The following CFAP299 variants were observed in gnomAD, a reference collection of about 807,000 sequenced individuals.
The protein encoded by CFAP299 is cilia and flagella associated protein 299, also known as cilia- and flagella-associated protein 299.
Under a neutral mutation model 27.0 loss-of-function variants are expected in CFAP299, and 21 were observed. That is an observed-to-expected ratio of 0.78 (90% confidence interval 0.55 to 1.12). The LOEUF is 1.12. CFAP299 is among the 50% of genes most tolerant of loss of function. The probability of loss-of-function intolerance (pLI) is 0.00; values close to 1 mark genes in which losing one functional copy is unlikely to be tolerated. For synonymous variants in CFAP299, 104 were observed against 98.1 expected, an observed-to-expected ratio of 1.06 and a Z score of -0.36; for missense variants, 310 against 276.6, an observed-to-expected ratio of 1.12 and a Z score of -0.86.
At chr4:80,714,695 A>T (rs1259169118) in intron 3 of CFAP299, among the ~76,000 whole-genome samples, 1 of 151,972 alleles carries the variant, frequency 6.6e-6, no homozygotes, top group Non-Finnish European at 1.5e-5. Context: ...TTTTCATCAT[A>T]CCCATACCTT....
intron 5 of CFAP299, among the ~76,000 whole-genome samples, chr4:80,954,974 T>C (rs960730807): frequency 9.9e-5 from 11 of 110,806 alleles, no homozygotes; most frequent in African/African-American, 3.5e-4. Flanking sequence ...CACTCCAGCC[T>C]GGGTGACAGA....
intron 4 of CFAP299, among the ~76,000 whole-genome samples, chr4:80,887,026 ACAGT>A (rs756715667): frequency 5.9e-5 from 9 of 152,050 alleles, no homozygotes; most frequent in African/African-American, 1.2e-4. Context: ...TCGAAAATAC[ACAGT>A]CAGAGGAGAC....
At chr4:80,681,950 T>C (rs1018422674) in intron 3 of CFAP299, among the ~76,000 whole-genome samples, 20 of 152,088 alleles carry the variant, frequency 1.3e-4, no homozygotes, top group Non-Finnish European at 2.6e-4. Flanking sequence ...GGAGCAAGCC[T>C]TGGAAATTTA....
chr4:80,841,985 G>A (rs962763122), intron 3 of CFAP299, among the ~76,000 whole-genome samples: 1 of 152,124 alleles, frequency 6.6e-6, no homozygotes, highest in Non-Finnish European at 1.5e-5. Context: ...TTCTCAGTGT[G>A]TGAGCAAGGA....
At chr4:80,914,819 C>T (rs1177596000) in intron 4 of CFAP299, among the ~76,000 whole-genome samples, 2 of 152,040 alleles carry the variant, frequency 1.3e-5, no homozygotes, top group African/African-American at 2.4e-5. Flanking sequence ...GGTTATGGAG[C>T]GATGTGTCCC....
At chr4:80,594,630 C>A (rs536032892) in intron 3 of CFAP299, among the ~76,000 whole-genome samples, 1 of 151,574 alleles carries the variant, frequency 6.6e-6, no homozygotes, top group African/African-American at 2.4e-5. Context: ...ATCTTTGTAT[C>A]GCATTCTTAT....
intron 3 of CFAP299, among the ~76,000 whole-genome samples, chr4:80,776,575 C>A (rs569390711): frequency 6.6e-6 from 1 of 151,754 alleles, no homozygotes; most frequent in Non-Finnish European, 1.5e-5. Context: ...ATCACACACC[C>A]GGGCCTGTCG....
At chr4:80,472,704 C>A (rs370980264) in intron 2 of CFAP299, among the ~76,000 whole-genome samples, 19 of 152,268 alleles carry the variant, frequency 1.2e-4, no homozygotes, top group African/African-American at 3.1e-4. Flanking sequence ...GTTTATGTAG[C>A]ATTTTCACTT....
At chr4:80,656,532 A>G (rs1740565548) in intron 3 of CFAP299, among the ~76,000 whole-genome samples, 1 of 152,130 alleles carries the variant, frequency 6.6e-6, no homozygotes, top group South Asian at 2.1e-4. Context: ...AGCTTGATCC[A>G]TGTCACTGCA....
chr4:80,520,257 G>T (rs1446995700), intron 2 of CFAP299, among the ~76,000 whole-genome samples: 1 of 152,092 alleles, frequency 6.6e-6, no homozygotes. Flanking sequence ...TTCTGGGAGG[G>T]GCATTTCTGG....
chr4:80,732,148 T>C (rs1723568181), intron 3 of CFAP299, among the ~76,000 whole-genome samples: 1 of 151,930 alleles, frequency 6.6e-6, no homozygotes. Context: ...AAAAGACCAA[T>C]CTGATTGGAA....
At chr4:80,785,876 C>T (rs1250786449) in intron 3 of CFAP299, among the ~76,000 whole-genome samples, 1 of 152,080 alleles carries the variant, frequency 6.6e-6, no homozygotes, top group East Asian at 1.9e-4. Context: ...AAGTGCCTTG[C>T]TTAAAACACA....
At chr4:80,891,781 A>AAAAAT (rs1734297811) in intron 4 of CFAP299, among the ~76,000 whole-genome samples, 1 of 116,370 alleles carries the variant, frequency 8.6e-6, no homozygotes, top group African/African-American at 4.4e-5. Flanking sequence ...AAAAAATTAA[A>AAAAAT]AAAAAAATAA....
intron 2 of CFAP299, among the ~76,000 whole-genome samples, chr4:80,569,241 A>G (rs1057257160): frequency 6.6e-6 from 1 of 152,116 alleles, no homozygotes; most frequent in East Asian, 1.9e-4. Context: ...TCTGACTGAT[A>G]AAGTGAATTT....
intron 5 of CFAP299, among the ~76,000 whole-genome samples, chr4:80,954,179 G>C (rs527665329): frequency 6.6e-6 from 1 of 152,296 alleles, no homozygotes; most frequent in South Asian, 2.1e-4. Context: ...ACAGAAGCAG[G>C]CATCAGAAAA....
At chr4:80,528,336 G>T (rs1203517419) in intron 2 of CFAP299, among the ~76,000 whole-genome samples, 2 of 151,978 alleles carry the variant, frequency 1.3e-5, no homozygotes, top group Non-Finnish European at 2.9e-5. Flanking sequence ...AAAAGGCAAA[G>T]TTTTTTCCTG....
intron 2 of CFAP299, among the ~76,000 whole-genome samples, chr4:80,435,919 T>A (rs886275798): frequency 3.9e-5 from 6 of 152,180 alleles, no homozygotes; most frequent in Non-Finnish European, 8.8e-5. Context: ...TTATAGGTTG[T>A]CAAACCATGA....
At chr4:80,444,502 A>C (rs1458121696) in intron 2 of CFAP299, among the ~76,000 whole-genome samples, 1 of 152,118 alleles carries the variant, frequency 6.6e-6, no homozygotes, top group Non-Finnish European at 1.5e-5. Context: ...CTGAACCCCT[A>C]TCTTACACAT....
chr4:80,473,086 A>T (rs1730088919), intron 2 of CFAP299, among the ~76,000 whole-genome samples: 1 of 152,170 alleles, frequency 6.6e-6, no homozygotes, highest in Admixed American at 6.5e-5. Context: ...GGTCATAGGC[A>T]AGCAAGTAGA....
Sources: allele counts gnomAD v4.1 joint callset (sites outside exome capture counted in the v4.1 genomes callset), GRCh38; gene constraint gnomAD v4.1.1; transcripts MANE v1.5; gene names NCBI Gene and HGNC (gene_info 2026-07-23, HGNC 2026-07-21).